Variants in ZW10 observed in about 807,000 individuals in gnomAD.
ZW10 encodes zw10 kinetochore protein.
ZW10 carries 53 observed loss-of-function variants against 87.8 expected under a neutral mutation model. The observed-to-expected ratio is 0.60, with a 90% CI of 0.48 to 0.76. The LOEUF (loss-of-function observed/expected upper bound fraction) is 0.76. ZW10 is among the 30% of genes least tolerant of loss of function. The probability of loss-of-function intolerance (pLI) is 0.00; values close to 1 mark genes in which losing one functional copy is unlikely to be tolerated. For missense variants in ZW10, 837 were observed against 923.0 expected (o/e 0.91, Z 1.21); for synonymous variants, 312 against 329.2 (o/e 0.95, Z 0.57).
Position 113,739,300 on chromosome 11 carries a change from C to A in ZW10, c.1666G>T (p.Gly556Trp). The A allele has an allele frequency of 1.2e-6, 2 of 1,613,702 alleles. No individual in the cohort carries two copies. The highest frequency in any genetic ancestry group is 2.7e-5 in the African/African-American group (2 of 74,958). Residue 556 changes from glycine to tryptophan, a missense_variant, in exon 12 of 16, where the codon GGG (glycine) becomes TGG (tryptophan). By Grantham distance (184) the Gly-to-Trp change is radical. Transcript: ENST00000200135. Reference sequence around the variant, plus strand: ...GCAAGACGCAATCTGAACTGATGCCCGAGGGTCAGCAAGTGGTGAGCAATG... The same window carrying A: ...GCAAGACGCAATCTGAACTGATGCCAGAGGGTCAGCAAGTGGTGAGCAATG... ...MYIAHHLLTL[G>W]HQFRLRLAPI... is the part of the protein sequence containing the mutation.
chr11:113,765,620 A>G (rs1261051224), intron 2 of ZW10, among the ~76,000 whole-genome samples: 2 of 152,234 alleles, frequency 1.3e-5, no homozygotes, highest in Non-Finnish European at 2.9e-5. Flanking sequence ...AGTGACTCTC[A>G]GTAAAATGCA....
intron 1 of ZW10, 81 bp downstream of exon 1, chr11:113,773,481 G>T: frequency 8.2e-7 from 1 of 1,215,966 alleles, no homozygotes; most frequent in Non-Finnish European, 1.2e-6. Context: ...TCTGCCCTTA[G>T]CCCCTGACTC....
intron 7 of ZW10, among the ~76,000 whole-genome samples, chr11:113,749,109 G>A (rs1228582468): frequency 1.3e-5 from 2 of 152,124 alleles, no homozygotes; most frequent in African/African-American, 2.4e-5. Flanking sequence ...AGGAGGCTGA[G>A]GTGGGAGGAT....
intron 2 of ZW10, among the ~76,000 whole-genome samples, chr11:113,767,023 A>T (rs993622532): frequency 9.9e-5 from 15 of 152,008 alleles, no homozygotes; most frequent in South Asian, 2.1e-4. Flanking sequence ...CTCAAAAAAA[A>T]TTTTTTTAAA....
intron 14 of ZW10, among the ~76,000 whole-genome samples, chr11:113,737,289 A>T (rs959820405): frequency 6.6e-6 from 1 of 152,236 alleles, no homozygotes; most frequent in African/African-American, 2.4e-5. Context: ...TGCAAATTAA[A>T]TGACTTTACA....
At chr11:113,769,643 G>A in intron 1 of ZW10, 1 of 277,246 alleles carries the variant, frequency 3.6e-6, no homozygotes, top group Non-Finnish European at 7.4e-6. Flanking sequence ...GATGCGGGAA[G>A]CCGGACTCCA....
Position 113,738,338 on chromosome 11 carries a change from A to T in ZW10, c.1810T>A (p.Leu604Ile). The T allele has an allele frequency of 5.0e-6, 8 of 1,613,608 alleles. No homozygotes were observed. Among genetic ancestry groups the T allele is most frequent in the Non-Finnish European group, 6.8e-6 (8 of 1,179,788 alleles). ...RAQKGELLER[L>I]SSARNFSNMD... The stretch of plus-strand genomic sequence containing the variant: ...TTTGAAAAGTTCCTAGCACTTGATA[A>T]TCTTTCCAGAAGTTCACCTTTCTGT... Residue 604 changes from leucine (L) to isoleucine (I), a missense_variant, in exon 13 of 16, where the codon TTA becomes ATA. Leu to Ile is a conservative substitution (Grantham distance 5, BLOSUM62 2). Coordinates refer to ENST00000200135, the MANE Select transcript of ZW10 (RefSeq NM_004724.4).
chr11:113,733,823 C>G lies in ZW10; in HGVS notation c.2220-9G>C. On this transcript the variant is annotated splice_polypyrimidine_tract_variant and intron_variant, in intron 15 of 15. Transcript: ENST00000200135. Reference sequence around the variant, plus strand: ...CTTTTCCATCTGCCCACCTGCAAAACGAAAGATAGAGTTCCATTTCCTATT... The same window carrying G: ...CTTTTCCATCTGCCCACCTGCAAAAGGAAAGATAGAGTTCCATTTCCTATT... 6.3e-7 allele frequency: 1 copy of G among 1,590,710 alleles called. No individual in the cohort carries two copies. The highest frequency in any genetic ancestry group is 8.6e-7 in the Non-Finnish European group (1 of 1,168,654).
Position 113,750,460 on chromosome 11 carries a change from C to T in ZW10, c.926-2040G>A, listed in dbSNP as rs145594467. On this transcript the variant is annotated intron_variant, in intron 7 of 15. Coordinates refer to ENST00000200135, the MANE Select transcript of ZW10 (RefSeq NM_004724.4). ...CTGGGATTACAGGCGCCCGCCACCA[C>T]GCCCAGCTAATTTTTGTATATTTAG... Among the ~76,000 whole-genome samples the T allele has an allele frequency of 6.9e-3, 1,057 of 152,164 alleles. 8 individuals carry two copies. The highest frequency in any genetic ancestry group is 0.024 in the African/African-American group (999 of 41,526).
chr11:113,739,254 G>A lies in ZW10; in HGVS notation c.1712C>T (p.Thr571Ile). The A allele has an allele frequency of 6.2e-7, 1 of 1,613,934 alleles. No individual in the cohort carries two copies. The highest frequency in any genetic ancestry group is 1.1e-5 in the South Asian group (1 of 91,000). The part of the protein sequence containing the change: ...LRLAPILCDG[T>I]ATFVDLVPGF... ...AGGTACAAGATCCACAAAAGTAGCA[G>A]TGCCATCACAAAGAATGGGGGCAAG... The change falls in exon 12 of 16, where the codon ACT becomes ATT. Residue 571 changes from threonine (T) to isoleucine (I), a missense_variant. Thr to Ile is a moderately conservative substitution (Grantham distance 89). Coordinates refer to ENST00000200135, the MANE Select transcript of ZW10 (RefSeq NM_004724.4).
chr11:113,740,630 C>T (rs545856442), intron 11 of ZW10, among the ~76,000 whole-genome samples: 8 of 152,214 alleles, frequency 5.3e-5, no homozygotes, highest in East Asian at 3.9e-4. Flanking sequence ...TGAAATGAAA[C>T]GATATAAAAA....
chr11:113,740,861 A>G (rs1301971531), intron 11 of ZW10, among the ~76,000 whole-genome samples: 2 of 152,246 alleles, frequency 1.3e-5, no homozygotes, highest in Non-Finnish European at 1.5e-5. Context: ...ACGAAGGAGA[A>G]AGACAGGCAA....
chr11:113,769,762 C>A (rs73009860), intron 1 of ZW10: 24,486 of 421,430 alleles, frequency 0.058, 913 homozygotes, highest in African/African-American at 0.13. Context: ...CACAGAAGCA[C>A]CACCTATCAT....
chr11:113,769,043 C>T, intron 1 of ZW10, 76 bp from the exon 2 acceptor site: 1 of 1,481,252 alleles, frequency 6.8e-7, no homozygotes, highest in Non-Finnish European at 9.3e-7. Flanking sequence ...ATTCATCTTC[C>T]ACAAGGCATT....
intron 9 of ZW10, among the ~76,000 whole-genome samples, chr11:113,744,425 C>T (rs1363512327): frequency 6.6e-6 from 1 of 152,054 alleles, no homozygotes; most frequent in Admixed American, 6.6e-5. Flanking sequence ...TATAAGCACA[C>T]GGTGAAGAAT....
intron 1 of ZW10, chr11:113,771,394 G>A (rs1425790650): frequency 6.6e-6 from 1 of 152,258 alleles, no homozygotes; most frequent in African/African-American, 2.4e-5. Flanking sequence ...GTACTTACCT[G>A]GGCTGGAGTG....
intron 15 of ZW10, among the ~76,000 whole-genome samples, chr11:113,735,437 G>A (rs1026407454): frequency 6.6e-6 from 1 of 151,682 alleles, no homozygotes; most frequent in Non-Finnish European, 1.5e-5. Context: ...GTATTCTGAT[G>A]TGATTTTTTT....
intron 7 of ZW10, among the ~76,000 whole-genome samples, chr11:113,750,223 T>G (rs1953720594): frequency 6.6e-6 from 1 of 151,848 alleles, no homozygotes; most frequent in Non-Finnish European, 1.5e-5. Context: ...TGTCACAAAT[T>G]TCACAATCAA....
At chr11:113,748,117 A>T in intron 8 of ZW10, 140 bp downstream of exon 8, 1 of 691,806 alleles carries the variant, frequency 1.4e-6, no homozygotes, top group Non-Finnish European at 2.2e-6. Context: ...AAATGAAGTT[A>T]TATGGAATTT....
Sources: gnomAD v4.1 joint callset for allele counts (sites outside exome capture counted in the v4.1 genomes callset) on GRCh38, gnomAD v4.1.1 for gene constraint, MANE v1.5 for transcripts, NCBI Gene and HGNC (gene_info 2026-07-23, HGNC 2026-07-21) for gene names.